Variants in SHC4 observed in about 807,000 individuals in gnomAD.
SHC4 encodes the protein SHC-transforming protein 4.
SHC4 carries 41 observed loss-of-function variants against 69.4 expected under a neutral mutation model. The ratio of observed to expected loss-of-function variants is 0.59; its 90% confidence interval spans 0.46 to 0.77. SHC4 has a LOEUF of 0.77. Ranked by LOEUF, SHC4 falls within the 30% of genes least tolerant of loss-of-function variation. The pLI, the probability that SHC4 is intolerant of heterozygous loss-of-function variation, is 0.00. For synonymous variants in SHC4, 318 were observed against 299.3 expected (o/e 1.06, Z -0.64); for missense variants, 777 against 783.8 (o/e 0.99, Z 0.10).
chr15:48,915,734 C>G (rs1900607841), intron 2 of SHC4, among the ~76,000 whole-genome samples: 1 of 152,240 alleles, frequency 6.6e-6, no homozygotes, highest in Non-Finnish European at 1.5e-5. Context: ...ACAATGCAAC[C>G]TGTTTTAATC....
intron 4 of SHC4, chr15:48,876,508 T>C (rs1567058965): frequency 5.2e-6 from 3 of 573,066 alleles, no homozygotes; most frequent in Non-Finnish European, 3.1e-6. Context: ...CATATATATG[T>C]ATATATATGT....
intron 2 of SHC4, among the ~76,000 whole-genome samples, chr15:48,924,196 C>A (rs544409498): frequency 3.9e-5 from 6 of 152,316 alleles, no homozygotes; most frequent in African/African-American, 1.4e-4. Context: ...TCATTCTGAA[C>A]CACTCATATC....
At chr15:48,899,991 G>C (rs1387241215) in intron 2 of SHC4, among the ~76,000 whole-genome samples, 1 of 152,168 alleles carries the variant, frequency 6.6e-6, no homozygotes, top group East Asian at 1.9e-4. Flanking sequence ...AACAGGTTCT[G>C]TGCTCTATAG....
At chr15:48,870,215 T>C (rs1899642584) in intron 5 of SHC4, among the ~76,000 whole-genome samples, 1 of 152,214 alleles carries the variant, frequency 6.6e-6, no homozygotes, top group Non-Finnish European at 1.5e-5. Flanking sequence ...AAAGTGCTGG[T>C]ATTTTTCAGC....
intron 11 of SHC4, among the ~76,000 whole-genome samples, chr15:48,828,223 G>A (rs1046579772): frequency 1.3e-5 from 2 of 151,822 alleles, no homozygotes; most frequent in Non-Finnish European, 2.9e-5. Flanking sequence ...TAAGTACAAC[G>A]TTATACAGCA....
At chr15:48,877,081 G>C (rs1899817958) in intron 4 of SHC4, 1 of 152,566 alleles carries the variant, frequency 6.6e-6, no homozygotes, top group African/African-American at 2.4e-5. Flanking sequence ...TTAAAGTCAA[G>C]GCGGAACATC....
chr15:48,834,621 A>G, intron 11 of SHC4, 148 bp downstream of exon 11: 1 of 1,146,366 alleles, frequency 8.7e-7, no homozygotes, highest in Non-Finnish European at 1.2e-6. Context: ...ACTACCCTCT[A>G]GTTAGCATGT....
At chr15:48,893,767 G>A (rs1229747164) in intron 2 of SHC4, among the ~76,000 whole-genome samples, 1 of 152,220 alleles carries the variant, frequency 6.6e-6, no homozygotes, top group Non-Finnish European at 1.5e-5. Context: ...GCCTTGGTTA[G>A]TATTAATACA....
intron 4 of SHC4, among the ~76,000 whole-genome samples, chr15:48,880,881 C>T (rs1323769251): frequency 6.6e-6 from 1 of 151,974 alleles, no homozygotes; most frequent in Non-Finnish European, 1.5e-5. Flanking sequence ...TTTATTAGCT[C>T]AGTAACTGGG....
chr15:48,873,418 T>C lies in SHC4; in HGVS notation c.841-1276A>G, dbSNP rs1035285995. ...CATTTATATTTCAGTAAAAACAAAG[T>C]CAATATACAAAGATCAATGTCATTC... On this transcript the variant is annotated intron_variant, in intron 4 of 11. Transcript: ENST00000332408. Among the ~76,000 whole-genome samples, 8 of 152,168 alleles carry C rather than the reference T, an allele frequency of 5.3e-5. No individual in the cohort carries two copies. The South Asian group carries it at 1.0e-3, about 20-fold the overall frequency.
intron 11 of SHC4, among the ~76,000 whole-genome samples, chr15:48,829,201 T>C (rs1190520489): frequency 6.6e-6 from 1 of 152,198 alleles, no homozygotes; most frequent in African/African-American, 2.4e-5. Context: ...GAGAAGAATA[T>C]GTATTCTGTT....
intron 4 of SHC4, chr15:48,878,373 T>C: frequency 1.2e-6 from 2 of 1,612,980 alleles, no homozygotes; most frequent in South Asian, 1.1e-5. Context: ...GCCCAGCCAA[T>C]GGCGGCGCCA....
At chr15:48,838,983 A>G (rs766277248) in intron 10 of SHC4, among the ~76,000 whole-genome samples, 2 of 152,248 alleles carry the variant, frequency 1.3e-5, no homozygotes, top group South Asian at 4.1e-4. Context: ...CAAAGCAAGT[A>G]GAAGGAAAAC....
chr15:48,862,439 A>G (rs978969093), intron 6 of SHC4, among the ~76,000 whole-genome samples: 10 of 152,204 alleles, frequency 6.6e-5, no homozygotes, highest in African/African-American at 2.4e-4. Flanking sequence ...TTTTCTATAA[A>G]AAAGGCCTTT....
chr15:48,940,692 G>A (rs1311473689), intron 1 of SHC4, among the ~76,000 whole-genome samples: 1 of 152,146 alleles, frequency 6.6e-6, no homozygotes, highest in Non-Finnish European at 1.5e-5. Context: ...TCAATGTGTG[G>A]TCATGTCTGG....
At chr15:48,936,592 T>C (rs1296710747) in intron 1 of SHC4, among the ~76,000 whole-genome samples, 1 of 152,148 alleles carries the variant, frequency 6.6e-6, no homozygotes. Context: ...CCACCATGAT[T>C]GTAAGTTTCC....
intron 2 of SHC4, 147 bp from the exon 3 acceptor site, chr15:48,890,958 G>C (rs985570872): frequency 3.5e-6 from 3 of 845,252 alleles, no homozygotes; most frequent in African/African-American, 1.7e-5. Flanking sequence ...AGCCCCACAG[G>C]AGGAAATGCT....
chr15:48,839,774 C>G (rs1898959644), intron 10 of SHC4, among the ~76,000 whole-genome samples: 2 of 152,224 alleles, frequency 1.3e-5, no homozygotes, highest in Non-Finnish European at 2.9e-5. Flanking sequence ...GGTATAAGTA[C>G]TTGCAATGTC....
chr15:48,960,078 A>G (rs1264989845), intron 1 of SHC4, among the ~76,000 whole-genome samples: 1 of 152,244 alleles, frequency 6.6e-6, no homozygotes, highest in African/African-American at 2.4e-5. Context: ...ATCGGACATC[A>G]CGGATATCGG....
Sources: allele counts gnomAD v4.1 joint callset (sites outside exome capture counted in the v4.1 genomes callset), GRCh38; gene constraint gnomAD v4.1.1; transcripts MANE v1.5; gene names NCBI Gene and HGNC (gene_info 2026-07-23, HGNC 2026-07-21).